Variants in ABCA4 observed in about 807,000 individuals in gnomAD.
ABCA4 encodes ATP binding cassette subfamily A member 4.
Under a neutral mutation model 263.7 loss-of-function variants are expected in ABCA4, and 196 were observed. The observed-to-expected ratio is 0.74, with a 90% CI of 0.66 to 0.84. The LOEUF is 0.84. Ranked by LOEUF, ABCA4 falls within the 40% of genes least tolerant of loss-of-function variation. The probability of loss-of-function intolerance (pLI) is 0.00; values close to 1 mark genes in which losing one functional copy is unlikely to be tolerated. For synonymous variants in ABCA4, 1,133 were observed against 1,094.2 expected (o/e 1.04, Z -0.70); for missense variants, 2,792 against 2,855.1 (o/e 0.98, Z 0.50).
In ABCA4 at chr1:94,019,428, A is replaced by G. The variant is rs187196263; in HGVS notation, c.5196+154T>C. 119 of 822,056 alleles carry G rather than the reference A, an allele frequency of 1.4e-4. 1 individual carries two copies. In the African/African-American group the frequency reaches 1.6e-3, roughly 11 times the overall value. 50.9% of individuals were successfully genotyped at this position (822,056 alleles called of 1,614,324 possible). A position where few individuals can be genotyped will look rare whatever the true frequency, so the allele number is the denominator to read the frequency against. Reference sequence around the variant, plus strand: ...TCTGTGCCTTTCTGAGAAGATGTCAAGGGACAGCAGATACACAAGGCCCTT... The same window carrying G: ...TCTGTGCCTTTCTGAGAAGATGTCAGGGGACAGCAGATACACAAGGCCCTT... On this transcript the variant is annotated intron_variant, in intron 36 of 49. Coordinates refer to ENST00000370225, the MANE Select transcript of ABCA4 (RefSeq NM_000350.3).
chr1:94,007,532 G>A, intron 43 of ABCA4, 102 bp downstream of exon 43: 1 of 1,070,348 alleles, frequency 9.3e-7, no homozygotes, highest in South Asian at 1.3e-5. Context: ...GATCTTTCAG[G>A]GCCTCAGAGC....
chr1:94,108,412 A>T (rs1163578330), intron 4 of ABCA4, among the ~76,000 whole-genome samples, 165 bp downstream of exon 4: 3 of 152,126 alleles, frequency 2.0e-5, no homozygotes, highest in Non-Finnish European at 2.9e-5. Context: ...GCTTCTGTGG[A>T]GGAAGAGGCA....
chr1:94,019,872 C>A (rs940580241), intron 35 of ABCA4, 113 bp from the exon 36 acceptor site: 16 of 1,155,324 alleles, frequency 1.4e-5, no homozygotes, highest in Admixed American at 5.9e-5. Flanking sequence ...GGTGTGGCCT[C>A]CAGGTTCCTC....
intron 6 of ABCA4, among the ~76,000 whole-genome samples, chr1:94,095,995 A>G (rs1023086332): frequency 2.0e-5 from 3 of 152,142 alleles, no homozygotes; most frequent in Non-Finnish European, 2.9e-5. Context: ...GTCGCTCACC[A>G]GCTTTGTTAA....
chr1:94,102,206 T>C (rs2101141607), intron 5 of ABCA4, among the ~76,000 whole-genome samples: 1 of 152,156 alleles, frequency 6.6e-6, no homozygotes, highest in South Asian at 2.1e-4. Context: ...ATAGAGGAGA[T>C]TATTTAAAGG....
rs763137165 is a variant in ABCA4 at position 94,041,199 on chromosome 1, A to G, written c.3522+10T>C. On this transcript the variant is annotated intron_variant, in intron 23 of 49. Transcript: ENST00000370225. ...CCCAGGCCAGGGTCCTTCCCTGGGC[A>G]GACACCTACCTCACTGCCTTTCCTT... 1.2e-6 allele frequency: 2 copies of G among 1,614,138 alleles called. No homozygotes were observed. The highest frequency in any genetic ancestry group is 2.2e-5 in the South Asian group (2 of 91,072).
chr1:94,038,623 G>A (rs550558193), intron 24 of ABCA4, among the ~76,000 whole-genome samples: 8 of 152,292 alleles, frequency 5.3e-5, no homozygotes, highest in South Asian at 2.1e-4. Context: ...AGTCCTTTAC[G>A]TTAAGGAAGC....
intron 14 of ABCA4, 103 bp downstream of exon 14, chr1:94,060,434 C>A (rs1415789231): frequency 9.0e-7 from 1 of 1,106,324 alleles, no homozygotes; most frequent in East Asian, 2.4e-5. Flanking sequence ...AGATGTCACG[C>A]TCTCCTTGGT....
chr1:94,019,332 G>A, intron 36 of ABCA4: 1 of 497,610 alleles, frequency 2.0e-6, no homozygotes. Flanking sequence ...CTCAGTGCAG[G>A]ACATAGAGAG....
rs58269697 is a variant in ABCA4 at position 94,103,386 on chromosome 1, G to C, written c.443-244C>G. Among the ~76,000 whole-genome samples, 8,675 of 152,218 alleles carry C rather than the reference G, an allele frequency of 0.057. 560 individuals are homozygous for C. The highest frequency in any genetic ancestry group is 0.16 in the African/African-American group (6,592 of 41,486). ...AAAAAGTTAGCCAGGGCTGGATGGG[G>C]GTGTCAGATGCTTTGTGGGGTTGGT... is the stretch of plus-strand genomic sequence containing the variant. On this transcript the variant is annotated intron_variant, in intron 4 of 49. Transcript: ENST00000370225.
chr1:94,098,082 AG>A (rs963640380), intron 6 of ABCA4, among the ~76,000 whole-genome samples: 18 of 151,784 alleles, frequency 1.2e-4, no homozygotes, highest in Middle Eastern at 3.4e-3. Flanking sequence ...TGCACTTTGC[AG>A]TGTGAAAACC....
Position 94,041,376 on chromosome 1 carries a change from G to A in ABCA4, c.3355C>T (p.His1119Tyr). ...SGRTIIMSTH[H>Y]MDEADLLGDR... ...CCAAGGAGGTCGGCCTCGTCCATGT[G>A]GTGAGTGGACATGATGATGGTTCTG... Residue 1119 changes from histidine (H) to tyrosine (Y), a missense_variant, in exon 23 of 50, where the codon CAC becomes TAC. Coordinates refer to ENST00000370225, the MANE Select transcript of ABCA4 (RefSeq NM_000350.3). 1 of 1,613,998 alleles carries A rather than the reference G, an allele frequency of 6.2e-7. No individual in the cohort carries two copies. Among genetic ancestry groups the A allele is most frequent in the African/African-American group, 1.3e-5 (1 of 75,032 alleles).
At chr1:94,009,931 G>C (rs1054467015) in intron 40 of ABCA4, among the ~76,000 whole-genome samples, 1 of 152,222 alleles carries the variant, frequency 6.6e-6, no homozygotes, top group Non-Finnish European at 1.5e-5. Flanking sequence ...AACTGCTTGT[G>C]TATCCTGTTT....
intron 35 of ABCA4, 67 bp from the exon 36 acceptor site, chr1:94,019,826 C>G: frequency 6.5e-7 from 1 of 1,547,606 alleles, no homozygotes; most frequent in South Asian, 1.2e-5. Flanking sequence ...GGAGAAGATA[C>G]AAAGTCAGGC....
intron 17 of ABCA4, 53 bp downstream of exon 17, chr1:94,051,575 TGCACA>T: frequency 6.9e-7 from 1 of 1,452,702 alleles, no homozygotes; most frequent in Non-Finnish European, 9.7e-7. Context: ...ATATACATCT[TGCACA>T]GAGCCCAAGG....
intron 45 of ABCA4, 54 bp downstream of exon 45, chr1:94,001,804 C>A: frequency 6.2e-7 from 1 of 1,613,720 alleles, no homozygotes; most frequent in South Asian, 1.1e-5. Flanking sequence ...TTCCCCAACC[C>A]AAGAGACCCA....
chr1:94,116,955 CCTTTCTTTCTTTCTCTTTCTTT>C (rs754816619), intron 1 of ABCA4, among the ~76,000 whole-genome samples: 3,012 of 134,852 alleles, frequency 0.022, 63 homozygotes, highest in South Asian at 0.038. Context: ...CTCCCTCCCT[CCTTTCTTTCTTTCTCTTTCTTT>C]CTTTCTTTCT....
intron 7 of ABCA4, among the ~76,000 whole-genome samples, chr1:94,082,245 G>T (rs978896561): frequency 6.6e-6 from 1 of 152,128 alleles, no homozygotes; most frequent in Non-Finnish European, 1.5e-5. Flanking sequence ...AGAGATGAAG[G>T]GGCTGTTCTC....
chr1:94,015,934 G>T (rs1021638187), intron 36 of ABCA4, 80 bp from the exon 37 acceptor site: 2 of 1,171,078 alleles, frequency 1.7e-6, no homozygotes, highest in Non-Finnish European at 2.5e-6. Context: ...GTGGGGCCAG[G>T]CTCCTCCAGC....
Sources: allele counts gnomAD v4.1 joint callset (sites outside exome capture counted in the v4.1 genomes callset), GRCh38; gene constraint gnomAD v4.1.1; transcripts MANE v1.5; gene names NCBI Gene and HGNC (gene_info 2026-07-23, HGNC 2026-07-21).